Variants in KCNQ1 observed in about 807,000 individuals in gnomAD.
KCNQ1 encodes potassium voltage-gated channel subfamily KQT member 1.
In KCNQ1, 49 loss-of-function variants were observed where a neutral mutation model predicts 72.4. That is an observed-to-expected ratio of 0.68 (90% confidence interval 0.54 to 0.86). KCNQ1 has a LOEUF of 0.86. Among genes scored for constraint, KCNQ1 ranks in the 40% least tolerant of loss-of-function variants. The pLI, the probability that KCNQ1 is intolerant of heterozygous loss-of-function variation, is 0.00. For missense variants in KCNQ1, 790 were observed against 945.1 expected (o/e 0.84, Z 2.15); for synonymous variants, 450 against 412.6 (o/e 1.09, Z -1.10).
chr11:2,647,135 T>C lies in KCNQ1; in HGVS notation c.1394-14826T>C. ...TTTGTCATATATGACCTTCATTGAGTTATGTTCCTTCTAGACATTATGTGA... is the reference window on the plus strand; with the variant it reads ...TTTGTCATATATGACCTTCATTGAGCTATGTTCCTTCTAGACATTATGTGA... On this transcript the variant is annotated intron_variant, in intron 10 of 15. Transcript: ENST00000155840. The surrounding 1 kb of genome is among the most constrained non-coding windows in gnomAD (Gnocchi z 4.0). 2.5e-6 allele frequency: 1 copy of C among 398,564 alleles called. No individual in the cohort carries two copies. Among genetic ancestry groups the C allele is most frequent in the East Asian group, 3.6e-5 (1 of 28,042 alleles). 24.7% of individuals were successfully genotyped at this position (398,564 alleles called of 1,614,324 possible).
rs1027384723 is a variant in KCNQ1 at position 2,768,194 on chromosome 11, G to C, written c.1515-650G>C. Reference sequence around the variant, plus strand: ...GGAGGGAATCTCCTGTGGCCTCCATGGCGCTGTGTTTTCTTCCAGTCTTTT... The same window carrying C: ...GGAGGGAATCTCCTGTGGCCTCCATCGCGCTGTGTTTTCTTCCAGTCTTTT... On this transcript the variant is annotated intron_variant, in intron 11 of 15. Coordinates refer to ENST00000155840, the MANE Select transcript of KCNQ1 (RefSeq NM_000218.3). This position sits in a 1 kb window ranked among gnomAD's most constrained non-coding sequence, Gnocchi z 6.7. Among the ~76,000 whole-genome samples the C allele has an allele frequency of 1.3e-5, 2 of 152,200 alleles. No homozygotes were observed. The highest frequency in any genetic ancestry group is 2.4e-5 in the African/African-American group (1 of 41,438).
At position 2,653,527 on chromosome 11, in the gene KCNQ1, A is replaced by C. The variant is rs956327181; in HGVS notation, c.1394-8434A>C. On this transcript the variant is annotated intron_variant, in intron 10 of 15. Transcript: ENST00000155840. This position sits in a 1 kb window ranked among gnomAD's most constrained non-coding sequence, Gnocchi z 5.3. Reference sequence around the variant, plus strand: ...GAGATGATCTTGCTCACTTGCTCTCACTCTCCCCTCTTGCACTCCCCTTCT... The same window carrying C: ...GAGATGATCTTGCTCACTTGCTCTCCCTCTCCCCTCTTGCACTCCCCTTCT... The C allele has an allele frequency of 1.3e-5, 5 of 397,364 alleles. No homozygotes were observed. The Admixed American group carries it at 1.8e-4, about 14-fold the overall frequency. The allele number at this position is 397,364 out of a possible 1,614,324, so 24.6% of individuals were successfully genotyped here.
At chr11:2,812,628 A>C (rs1847514159) in intron 15 of KCNQ1, among the ~76,000 whole-genome samples, 1 of 152,154 alleles carries the variant, frequency 6.6e-6, no homozygotes, top group Non-Finnish European at 1.5e-5. Flanking sequence ...TCCTGTCTCC[A>C]TGCAGCAGCC....
chr11:2,614,197 A>G, intron 10 of KCNQ1: 1 of 398,568 alleles, frequency 2.5e-6, no homozygotes, highest in Non-Finnish European at 4.4e-6. Flanking sequence ...TGAGGGTGCC[A>G]CCTCAAATCT....
Position 2,677,451 on chromosome 11 carries a change from C to T in KCNQ1, c.1514+15370C>T, listed in dbSNP as rs775302572. The T allele has an allele frequency of 8.3e-5, 33 of 398,276 alleles. No homozygotes were observed. The highest frequency in any genetic ancestry group is 2.5e-4 in the South Asian group (2 of 7,846). 24.7% of individuals were successfully genotyped at this position (398,276 alleles called of 1,614,324 possible). On this transcript the variant is annotated intron_variant, in intron 11 of 15. Coordinates refer to ENST00000155840, the MANE Select transcript of KCNQ1 (RefSeq NM_000218.3). This position sits in a 1 kb window ranked among gnomAD's most constrained non-coding sequence, Gnocchi z 4.5. ...GGGAGATGATAATTGATGCAGGTGG[C>T]CTCTTGGTCAAGCAGTGAAACCATG... is the stretch of plus-strand genomic sequence containing the variant.
intron 15 of KCNQ1, among the ~76,000 whole-genome samples, chr11:2,811,558 G>T (rs1302953653): frequency 6.6e-6 from 1 of 152,260 alleles, no homozygotes; most frequent in Non-Finnish European, 1.5e-5. Context: ...GGTCTGACAA[G>T]CCCAGGCGGG....
At chr11:2,513,673 C>T (rs1318526874) in intron 1 of KCNQ1, among the ~76,000 whole-genome samples, 2 of 152,200 alleles carry the variant, frequency 1.3e-5, no homozygotes, top group Non-Finnish European at 2.9e-5. Flanking sequence ...CCACCCTGGC[C>T]GCTGTTTCTC....
chr11:2,633,200 T>C (rs1368147110), intron 10 of KCNQ1: 1 of 398,432 alleles, frequency 2.5e-6, no homozygotes, highest in African/African-American at 2.1e-5. Flanking sequence ...TGTTGGCCAG[T>C]TGTTCTATTT....
At position 2,613,163 on chromosome 11, in the gene KCNQ1, A is replaced by G; in HGVS notation, c.1393+24309A>G. ...TGAGGGGATCTATGTGTGGGTTGGG[A>G]CATTCAAAGTTCAGGCACTTTATAA... On this transcript the variant is annotated intron_variant, in intron 10 of 15. Transcript: ENST00000155840. The surrounding 1 kb of genome is among the most constrained non-coding windows in gnomAD (Gnocchi z 4.8). 1 of 398,534 alleles carries G rather than the reference A, an allele frequency of 2.5e-6. No homozygotes were observed. The highest frequency in any genetic ancestry group is 4.4e-6 in the Non-Finnish European group (1 of 226,052). The allele number at this position is 398,534 out of a possible 1,614,324, so 24.7% of individuals were successfully genotyped here. A position where few individuals can be genotyped will look rare whatever the true frequency, so the allele number is the denominator to read the frequency against.
intron 1 of KCNQ1, among the ~76,000 whole-genome samples, chr11:2,490,742 G>A (rs192626038): frequency 3.2e-4 from 49 of 152,216 alleles, no homozygotes; most frequent in Non-Finnish European, 5.0e-4. Flanking sequence ...AGGCTAGAGC[G>A]CAATGGTGTG....
At position 2,669,424 on chromosome 11, in the gene KCNQ1, T is replaced by C; in HGVS notation, c.1514+7343T>C. 1 of 398,644 alleles carries C rather than the reference T, an allele frequency of 2.5e-6. No homozygotes were observed. The highest frequency in any genetic ancestry group is 3.6e-5 in the East Asian group (1 of 28,084). 24.7% of individuals were successfully genotyped at this position (398,644 alleles called of 1,614,324 possible). On this transcript the variant is annotated intron_variant, in intron 11 of 15. Transcript: ENST00000155840. This position sits in a 1 kb window ranked among gnomAD's most constrained non-coding sequence, Gnocchi z 5.6. ...ATCATGTGTCCCTTGTTTATTTAGG[T>C]TGACTTTCATATCTTTTACCTTGCC...
rs903935525 is a variant in KCNQ1, at chr11:2,475,593, G to A, written c.386+30109G>A. 6.6e-6 allele frequency among the ~76,000 whole-genome samples: 1 copy of A among 152,156 alleles called. No homozygotes were observed. The highest frequency in any genetic ancestry group is 2.4e-5 in the African/African-American group (1 of 41,428). On this transcript the variant is annotated intron_variant, in intron 1 of 15. Transcript: ENST00000155840. This position sits in a 1 kb window ranked among gnomAD's most constrained non-coding sequence, Gnocchi z 5.8. ...CTCAAAGAATTAGGGCAAGGAGGGC[G>A]ATTCTAAATGGCTGGAGACATAGTC...
rs1846015649 is a variant in KCNQ1, at chr11:2,445,196, A to C, written c.98A>C (p.Lys33Thr). The C allele has an allele frequency of 8.7e-7, 1 of 1,148,640 alleles. No individual in the cohort carries two copies. Among genetic ancestry groups the C allele is most frequent in the South Asian group, 2.8e-5 (1 of 35,478 alleles). The allele number at this position is 1,148,640 out of a possible 1,614,324, so 71.2% of individuals were successfully genotyped here. A position where few individuals can be genotyped will look rare whatever the true frequency, so the allele number is the denominator to read the frequency against. The change falls in exon 1 of 16, where the codon AAG (lysine) becomes ACG (threonine). Residue 33 changes from lysine to threonine, a missense_variant. Lys to Thr is a moderately conservative substitution (Grantham distance 78). Around this residue, in one of 5 missense-constraint regions of KCNQ1, gnomAD observed 294 missense variants for 323.3 expected, o/e 0.91. Coordinates refer to ENST00000155840, the MANE Select transcript of KCNQ1 (RefSeq NM_000218.3). The part of the protein sequence containing the change: ...ARRGSAGLAK[K>T]CPFSLELAEG... ...CGGGGCAGCGCGGGCCTGGCCAAGA[A>C]GTGCCCCTTCTCGCTGGAGCTGGCG...
chr11:2,626,325 G>C lies in KCNQ1; in HGVS notation c.1394-35636G>C. Reference sequence around the variant, plus strand: ...GAGTTAATTTTTGTGTATGGTATTAGGTAAGGGTCTCAACTTCAGTTATCC... The same window carrying C: ...GAGTTAATTTTTGTGTATGGTATTACGTAAGGGTCTCAACTTCAGTTATCC... On this transcript the variant is annotated intron_variant, in intron 10 of 15. Transcript: ENST00000155840. The surrounding 1 kb of genome is among the most constrained non-coding windows in gnomAD (Gnocchi z 4.0). 1 of 398,496 alleles carries C rather than the reference G, an allele frequency of 2.5e-6. No individual in the cohort carries two copies. The highest frequency in any genetic ancestry group is 4.4e-6 in the Non-Finnish European group (1 of 226,038). The allele number at this position is 398,496 out of a possible 1,614,324, so 24.7% of individuals were successfully genotyped here.
chr11:2,708,010 G>A (rs1270869956), intron 11 of KCNQ1, among the ~76,000 whole-genome samples: 5 of 152,194 alleles, frequency 3.3e-5, no homozygotes, highest in Non-Finnish European at 7.3e-5. Flanking sequence ...AGGTGGTGTG[G>A]GCAGCCAACC....
Position 2,715,436 on chromosome 11 carries a change from G to C in KCNQ1, c.1514+53355G>C, listed in dbSNP as rs955421352. Among the ~76,000 whole-genome samples, 65 of 152,080 alleles carry C rather than the reference G, an allele frequency of 4.3e-4. No homozygotes were observed. The highest frequency in any genetic ancestry group is 1.5e-4 in the Non-Finnish European group (10 of 67,982). ...CCTTTGTTGGCCAGTGTGGGAATGG[G>C]GGGAGGCCAGGGAGGACCCCCTGCA... On this transcript the variant is annotated intron_variant, in intron 11 of 15. Transcript: ENST00000155840. This position sits in a 1 kb window ranked among gnomAD's most constrained non-coding sequence, Gnocchi z 4.9.
rs1402360607 is a variant in KCNQ1 at position 2,745,767 on chromosome 11, AG to A, written c.1515-23075del. ...CTGCTCACTAAGCGTGCCTTGGAGA[AG>A]GCCGCTCAGCGAGGGCCGCCTTCAG... On this transcript the variant is annotated intron_variant, in intron 11 of 15. Coordinates refer to ENST00000155840, the MANE Select transcript of KCNQ1 (RefSeq NM_000218.3). The surrounding 1 kb of genome is among the most constrained non-coding windows in gnomAD (Gnocchi z 6.2). Among the ~76,000 whole-genome samples the A allele has an allele frequency of 6.6e-6, 1 of 152,240 alleles. No individual in the cohort carries two copies.
Position 2,669,902 on chromosome 11 carries a change from G to A in KCNQ1, c.1514+7821G>A. On this transcript the variant is annotated intron_variant, in intron 11 of 15. Transcript: ENST00000155840. The surrounding 1 kb of genome is among the most constrained non-coding windows in gnomAD (Gnocchi z 5.6). ...CTGTCCTTAATAAGATGTGCCTAGA[G>A]GCCTGAGAGTCCCAAGCTCCAGGAC... The A allele has an allele frequency of 2.5e-6, 1 of 398,598 alleles. No individual in the cohort carries two copies. The highest frequency in any genetic ancestry group is 2.1e-5 in the African/African-American group (1 of 48,726). The allele number at this position is 398,598 out of a possible 1,614,324, so 24.7% of individuals were successfully genotyped here. A position where few individuals can be genotyped will look rare whatever the true frequency, so the allele number is the denominator to read the frequency against.
chr11:2,732,694 C>T (rs533422320), intron 11 of KCNQ1, among the ~76,000 whole-genome samples: 6 of 152,358 alleles, frequency 3.9e-5, no homozygotes, highest in East Asian at 1.9e-4. Context: ...AAGGCACAAG[C>T]GGCCTTTTCT....
Sources: gnomAD v4.1 joint callset for allele counts (sites outside exome capture counted in the v4.1 genomes callset) on GRCh38, gnomAD v4.1.1 for gene constraint, gnomAD v4.1.1 regional missense constraint, Gnocchi (gnomAD v3.1) non-coding constraint, MANE v1.5 for transcripts, NCBI Gene and HGNC (gene_info 2026-07-23, HGNC 2026-07-21) for gene names.